Variants in FOXP2 observed in about 807,000 individuals in gnomAD.
FOXP2 encodes the protein forkhead box P2, also known as forkhead box protein P2.
In FOXP2, 12 loss-of-function variants were observed where a neutral mutation model predicts 115.8. That is an observed-to-expected ratio of 0.10 (90% CI 0.07 to 0.17). The LOEUF is 0.17. Among genes scored for constraint, FOXP2 ranks in the 10% least tolerant of loss-of-function variants. The pLI, the probability that FOXP2 is intolerant of heterozygous loss-of-function variation, is 1.00. For synonymous variants in FOXP2, 328 were observed against 297.7 expected (o/e 1.10, Z -1.05); for missense variants, 629 against 843.5 (o/e 0.75, Z 3.15).
chr7:114,321,491 C>A (rs1239905549), intron 2 of FOXP2, among the ~76,000 whole-genome samples: 4 of 152,072 alleles, frequency 2.6e-5, no homozygotes, highest in African/African-American at 7.2e-5. Flanking sequence ...AGCCACCTGG[C>A]CTGGCCTCTA....
At chr7:114,466,270 G>C (rs1289783505) in intron 2 of FOXP2, among the ~76,000 whole-genome samples, 1 of 152,086 alleles carries the variant, frequency 6.6e-6, no homozygotes, top group Non-Finnish European at 1.5e-5. Flanking sequence ...CCATGCTCTT[G>C]CCTCTTATTC....
At chr7:114,578,940 A>G (rs557653187) in intron 3 of FOXP2, among the ~76,000 whole-genome samples, 18 of 152,178 alleles carry the variant, frequency 1.2e-4, no homozygotes, top group Non-Finnish European at 2.1e-4. Flanking sequence ...CACTTAAAAA[A>G]CATATATAAG....
At chr7:114,613,017 G>A (rs1166300639) in intron 3 of FOXP2, among the ~76,000 whole-genome samples, 1 of 152,114 alleles carries the variant, frequency 6.6e-6, no homozygotes, top group Non-Finnish European at 1.5e-5. Context: ...TTTACTCAGG[G>A]AATGTTTTAT....
chr7:114,260,702 C>G (rs1392257706), intron 1 of FOXP2, among the ~76,000 whole-genome samples: 1 of 152,066 alleles, frequency 6.6e-6, no homozygotes, highest in Non-Finnish European at 1.5e-5. Flanking sequence ...TAATTAGACA[C>G]AAACACACAC....
At chr7:114,358,166 C>T (rs904262708) in intron 2 of FOXP2, among the ~76,000 whole-genome samples, 3 of 152,106 alleles carry the variant, frequency 2.0e-5, no homozygotes, top group Non-Finnish European at 2.9e-5. Context: ...GACATGATGA[C>T]TTTATTAAGA....
At chr7:114,323,954 A>T (rs139956548) in intron 2 of FOXP2, among the ~76,000 whole-genome samples, 1,589 of 151,952 alleles carry the variant, frequency 0.01, 29 homozygotes, top group African/African-American at 0.036. Flanking sequence ...TATTCTTTTT[A>T]TTTTAAAGAT....
intron 2 of FOXP2, among the ~76,000 whole-genome samples, chr7:114,325,529 T>G (rs1276589706): frequency 1.3e-5 from 2 of 151,990 alleles, no homozygotes; most frequent in African/African-American, 4.8e-5. Flanking sequence ...TATTGGAAAA[T>G]CTAATTTTCT....
rs1797929873 is a variant in FOXP2 at position 114,508,545 on chromosome 7, G to T, written c.169-26072G>T. 2.0e-5 allele frequency among the ~76,000 whole-genome samples: 3 copies of T among 151,978 alleles called. No homozygotes were observed. In the South Asian group the frequency reaches 6.2e-4, roughly 31 times the overall value. On this transcript the variant is annotated intron_variant, in intron 2 of 16. Transcript: ENST00000350908. ...GAAGGAGAGCCCTTATAGAACCCAA[G>T]AAATCTCCTTAGGGATACCAATTAA...
intron 2 of FOXP2, among the ~76,000 whole-genome samples, chr7:114,321,907 A>G (rs1048578592): frequency 4.0e-4 from 61 of 152,236 alleles, no homozygotes; most frequent in Non-Finnish European, 8.5e-4. Context: ...AAATAGAGAA[A>G]GCCAAGCTTA....
intron 3 of FOXP2, among the ~76,000 whole-genome samples, chr7:114,556,622 A>C (rs1800467695): frequency 1.3e-5 from 2 of 152,350 alleles, no homozygotes; most frequent in Non-Finnish European, 2.9e-5. Context: ...CTAATCCAAA[A>C]ATACATTCCA....
intron 1 of FOXP2, among the ~76,000 whole-genome samples, chr7:114,128,374 A>G (rs1257763905): frequency 6.6e-6 from 1 of 151,268 alleles, no homozygotes; most frequent in Admixed American, 6.6e-5. Context: ...CAGGTCACCA[A>G]CTCTTACCCT....
Position 114,631,781 on chromosome 7 carries a change from C to A in FOXP2, c.775+76C>A, listed in dbSNP as rs1280822849. ...CATTTCATGGCCTTTCTGCCTTATA[C>A]CTTGAGAAATTTTGTTTTTATGACT... On this transcript the variant is annotated intron_variant, in intron 6 of 16. Coordinates refer to ENST00000350908, the MANE Select transcript of FOXP2 (RefSeq NM_014491.4). 2.0e-6 allele frequency: 3 copies of A among 1,499,060 alleles called. No homozygotes were observed. The East Asian group carries it at 6.8e-5, about 34-fold the overall frequency. The allele number at this position is 1,499,060 out of a possible 1,614,324, so 92.9% of individuals were successfully genotyped here.
rs201387638 is a variant in FOXP2 at position 114,203,499 on chromosome 7, A to AT, written c.-102+40420dup. Among the ~76,000 whole-genome samples, 339 of 151,118 alleles carry AT rather than the reference A, an allele frequency of 2.2e-3. 2 individuals are homozygous for AT. Among genetic ancestry groups the AT allele is most frequent in the African/African-American group, 7.7e-3 (317 of 41,160 alleles). ...AAGTGTGCGCCACCAGGCCCAGCTA[A>AT]TTTTTTTTTCTTTTTTTCTATTTTT... On this transcript the variant is annotated intron_variant, in intron 1 of 17. Transcript: ENST00000634411.
chr7:114,609,298 G>C (rs1210765273), intron 3 of FOXP2, among the ~76,000 whole-genome samples: 2 of 151,906 alleles, frequency 1.3e-5, no homozygotes, highest in Non-Finnish European at 2.9e-5. Context: ...AAAAAGAACT[G>C]TGCAAGTTAA....
Position 114,693,505 on chromosome 7 carries a change from T to A in FOXP2, c.*3579T>A. 1 of 452,490 alleles carries A rather than the reference T, an allele frequency of 2.2e-6. No individual in the cohort carries two copies. The highest frequency in any genetic ancestry group is 1.6e-5 in the South Asian group (1 of 64,212). 28.0% of individuals were successfully genotyped at this position (452,490 alleles called of 1,614,324 possible). Reference sequence around the variant, plus strand: ...ATTAACACACATTTGGACAATAGCTTTATTAAGTCTATAAAGCTATTGAAA... The same window carrying A: ...ATTAACACACATTTGGACAATAGCTATATTAAGTCTATAAAGCTATTGAAA... On this transcript the variant is annotated 3_prime_UTR_variant, in exon 17 of 17. Transcript: ENST00000350908.
intron 2 of FOXP2, among the ~76,000 whole-genome samples, chr7:114,511,650 A>T (rs2129262010): frequency 6.6e-6 from 1 of 152,266 alleles, no homozygotes; most frequent in African/African-American, 2.4e-5. Flanking sequence ...TACAAAATAC[A>T]AATTTGTTCT....
At chr7:114,276,216 T>A (rs1389859502) in intron 1 of FOXP2, among the ~76,000 whole-genome samples, 2 of 152,152 alleles carry the variant, frequency 1.3e-5, no homozygotes, top group African/African-American at 4.8e-5. Context: ...TGGAGTGAAT[T>A]GGTGTGATCT....
chr7:114,381,809 A>G (rs1049045297), intron 2 of FOXP2, among the ~76,000 whole-genome samples: 1 of 152,000 alleles, frequency 6.6e-6, no homozygotes. Flanking sequence ...TAGGTCCTTT[A>G]CAATCTTTTG....
At chr7:114,593,120 G>A (rs1472347806) in intron 3 of FOXP2, among the ~76,000 whole-genome samples, 1 of 151,688 alleles carries the variant, frequency 6.6e-6, no homozygotes, top group African/African-American at 2.4e-5. Flanking sequence ...AAAAAAAGAA[G>A]GATTTGAAAG....
Sources: gnomAD v4.1 joint callset for allele counts (sites outside exome capture counted in the v4.1 genomes callset) on GRCh38, gnomAD v4.1.1 for gene constraint, MANE v1.5 for transcripts, NCBI Gene and HGNC (gene_info 2026-07-23, HGNC 2026-07-21) for gene names.